CUBN: variants seen among roughly 807,000 people sequenced by gnomAD.
CUBN encodes 460 kDa receptor.
In CUBN, 282 loss-of-function variants were observed where a neutral mutation model predicts 405.3. The ratio of observed to expected loss-of-function variants is 0.70; its 90% CI spans 0.63 to 0.77. The LOEUF is 0.77. Among genes scored for constraint, CUBN ranks in the 30% least tolerant of loss-of-function variants. The pLI is 0.00. For synonymous variants in CUBN, 1,684 were observed against 1,617.0 expected (o/e 1.04, Z -0.99); for missense variants, 4,514 against 4,475.2 (o/e 1.01, Z -0.25).
chr10:17,058,489 T>C (rs572097771), intron 22 of CUBN, among the ~76,000 whole-genome samples: 1 of 152,000 alleles, frequency 6.6e-6, no homozygotes, highest in Non-Finnish European at 1.5e-5. Flanking sequence ...TACATAAAAT[T>C]GAAATAGAGA....
At chr10:16,939,188 A>C (rs376942572) in intron 37 of CUBN, 41 bp from the exon 38 acceptor site, 1 of 1,490,264 alleles carries the variant, frequency 6.7e-7, no homozygotes, top group East Asian at 2.3e-5. Context: ...CCCACTTAGA[A>C]TTGCTCTTTA....
intron 13 of CUBN, among the ~76,000 whole-genome samples, chr10:17,102,076 G>T (rs1345012235): frequency 6.6e-6 from 1 of 152,050 alleles, no homozygotes; most frequent in Non-Finnish European, 1.5e-5. Context: ...TTAACTAGTG[G>T]CTTGCAGTCA....
At chr10:17,114,325 T>A (rs1836838807) in intron 7 of CUBN, 136 bp from the exon 8 acceptor site, 1 of 861,362 alleles carries the variant, frequency 1.2e-6, no homozygotes, top group African/African-American at 1.7e-5. Flanking sequence ...GCTTCTCTTT[T>A]TCTTCCCATA....
intron 2 of CUBN, among the ~76,000 whole-genome samples, chr10:17,128,814 A>C (rs180810362): frequency 1.3e-5 from 2 of 152,328 alleles, no homozygotes; most frequent in East Asian, 3.9e-4. Flanking sequence ...AGATAGAAGA[A>C]ATAAGACCTA....
At chr10:16,934,788 C>G (rs918157471) in intron 39 of CUBN, among the ~76,000 whole-genome samples, 1 of 152,170 alleles carries the variant, frequency 6.6e-6, no homozygotes. Flanking sequence ...TGCCTACTGC[C>G]ATGGTCTCAG....
rs1202099728 is a variant in CUBN, at chr10:16,913,661, A to G, written c.7533+150T>C. ...ACAATTATTTTGACAGGTTACTGTG[A>G]TTTTGTTCTTTCAACAATACTTAGA... On this transcript the variant is annotated intron_variant, in intron 48 of 66. Coordinates refer to ENST00000377833, the MANE Select transcript of CUBN (RefSeq NM_001081.4). 2.3e-5 allele frequency: 20 copies of G among 871,570 alleles called. No homozygotes were observed. The East Asian group carries it at 4.8e-4, about 21-fold the overall frequency. 54.0% of individuals were successfully genotyped at this position (871,570 alleles called of 1,614,324 possible).
At chr10:16,869,924 C>T in intron 58 of CUBN, 71 bp from the exon 59 acceptor site, 1 of 1,136,766 alleles carries the variant, frequency 8.8e-7, no homozygotes, top group Non-Finnish European at 1.3e-6. Flanking sequence ...TTAGCTCTTG[C>T]AAAAAAAATG....
intron 55 of CUBN, among the ~76,000 whole-genome samples, chr10:16,889,198 A>T (rs61324346): frequency 0.042 from 6,319 of 152,212 alleles, 447 homozygotes; most frequent in African/African-American, 0.14. Flanking sequence ...AAATATCTCT[A>T]TCCTTTTAAA....
intron 31 of CUBN, among the ~76,000 whole-genome samples, chr10:16,960,040 A>C (rs1843173381): frequency 6.6e-6 from 1 of 152,246 alleles, no homozygotes. Flanking sequence ...CAAAATAAAA[A>C]GTGGCCACTG....
chr10:16,972,103 C>T (rs1253651293), intron 31 of CUBN, among the ~76,000 whole-genome samples: 1 of 152,134 alleles, frequency 6.6e-6, no homozygotes, highest in Non-Finnish European at 1.5e-5. Context: ...GGTTTGAATG[C>T]TACCACTCTC....
At chr10:17,084,544 A>ACC (rs1326631902) in intron 16 of CUBN, 83 bp from the exon 17 acceptor site, 7 of 1,011,282 alleles carry the variant, frequency 6.9e-6, no homozygotes, top group Non-Finnish European at 6.1e-6. Flanking sequence ...CTAAAAATTT[A>ACC]CCCACACACA....
At chr10:16,943,929 TA>T (rs906084950) in intron 36 of CUBN, among the ~76,000 whole-genome samples, 1 of 152,294 alleles carries the variant, frequency 6.6e-6, no homozygotes, top group African/African-American at 2.4e-5. Context: ...AATTAAACTA[TA>T]AAAAAAGCTT....
Position 17,041,305 on chromosome 10 carries a change from T to C in CUBN, c.3830-85A>G, listed in dbSNP as rs1341012476. The C allele has an allele frequency of 8.8e-6, 10 of 1,133,912 alleles. No homozygotes were observed. The East Asian group carries it at 1.7e-4, about 19-fold the overall frequency. 70.2% of individuals were successfully genotyped at this position (1,133,912 alleles called of 1,614,324 possible). A position where few individuals can be genotyped will look rare whatever the true frequency, so the allele number is the denominator to read the frequency against. On this transcript the variant is annotated intron_variant, in intron 26 of 66. Coordinates refer to ENST00000377833, the MANE Select transcript of CUBN (RefSeq NM_001081.4). ...GAGATTTTCCTTTAAAAAAAATAAA[T>C]AAAAATCATCTGTGTATGTACACAC...
rs752334971 is a variant in CUBN, at chr10:16,918,742, A to G, written c.6880T>C (p.Ser2294Pro). Residue 2294 changes from serine to proline, a missense_variant, in exon 45 of 67, where the codon TCC becomes CCC. By Grantham distance (74) the Ser-to-Pro change is moderately conservative. Coordinates refer to ENST00000377833, the MANE Select transcript of CUBN (RefSeq NM_001081.4). The part of the protein sequence containing the change: ...DGVDSDAPIL[S>P]KFCGTSLPSS... ...GGCAAAGATGTCCCACAAAATTTGG[A>G]AAGTATTGGTGCATCCGAATCCACT... 2.5e-6 allele frequency: 4 copies of G among 1,613,976 alleles called. No homozygotes were observed. The highest frequency in any genetic ancestry group is 3.4e-6 in the Non-Finnish European group (4 of 1,179,914).
intron 50 of CUBN, among the ~76,000 whole-genome samples, chr10:16,905,091 T>A (rs1415534349): frequency 1.3e-5 from 2 of 152,218 alleles, no homozygotes; most frequent in Non-Finnish European, 2.9e-5. Context: ...ACCAACTAAC[T>A]GATGAGCTTC....
intron 31 of CUBN, among the ~76,000 whole-genome samples, chr10:16,979,505 T>G (rs1159173318): frequency 6.6e-6 from 1 of 152,002 alleles, no homozygotes; most frequent in African/African-American, 2.4e-5. Flanking sequence ...TACAGACCAA[T>G]GGAACAGAAG....
At chr10:16,852,956 A>G (rs1352992455) in intron 59 of CUBN, among the ~76,000 whole-genome samples, 1 of 152,222 alleles carries the variant, frequency 6.6e-6, no homozygotes, top group Non-Finnish European at 1.5e-5. Flanking sequence ...AAACATGAGA[A>G]GCTAAAGGAA....
At chr10:16,992,925 A>T (rs1438166958) in intron 28 of CUBN, among the ~76,000 whole-genome samples, 1 of 152,246 alleles carries the variant, frequency 6.6e-6, no homozygotes, top group South Asian at 2.1e-4. Flanking sequence ...ACAACAACAC[A>T]TGGCAAATAT....
At position 16,899,179 on chromosome 10, in the gene CUBN, A is replaced by G. The variant is rs199526879; in HGVS notation, c.8415T>C (p.Cys2805=). 2 of 1,613,338 alleles carry G rather than the reference A, an allele frequency of 1.2e-6. No individual in the cohort carries two copies. Among genetic ancestry groups the G allele is most frequent in the African/African-American group, 2.7e-5 (2 of 75,030 alleles). Residue 2805 remains cysteine, a synonymous_variant, in exon 54 of 67, where the codon TGT becomes TGC. Coordinates refer to ENST00000377833, the MANE Select transcript of CUBN (RefSeq NM_001081.4). ...CATTATCAGAATGAAATATTCCACC[A>G]CAACCTGAAATATTGCCATGTAAAA... ...YATWNTQTLG[C]GGIFHSDNGT...
Sources: gnomAD v4.1 joint callset for allele counts (sites outside exome capture counted in the v4.1 genomes callset) on GRCh38, gnomAD v4.1.1 for gene constraint, MANE v1.5 for transcripts, NCBI Gene and HGNC (gene_info 2026-07-23, HGNC 2026-07-21) for gene names.